Variants in XDH observed in about 807,000 individuals in gnomAD.
The protein encoded by XDH is xanthine dehydrogenase/oxidase.
A neutral mutation model predicts 156.1 loss-of-function variants in XDH; 138 were observed. The observed-to-expected ratio is 0.88, with a 90% CI of 0.77 to 1.02. The LOEUF (loss-of-function observed/expected upper bound fraction) is 1.02. Among genes scored for constraint, XDH ranks in the 50% least tolerant of loss-of-function variants. XDH has a pLI of 0.00. For synonymous variants in XDH, 669 were observed against 625.7 expected (o/e 1.07, Z -1.03); for missense variants, 1,849 against 1,684.9 (o/e 1.10, Z -1.71).
At chr2:31,358,112 C>G (rs1306207168) in intron 24 of XDH, among the ~76,000 whole-genome samples, 1 of 152,068 alleles carries the variant, frequency 6.6e-6, no homozygotes. Flanking sequence ...CTACAGAACT[C>G]TTCACCCCAA....
intron 34 of XDH, among the ~76,000 whole-genome samples, chr2:31,339,246 T>C (rs1159787126): frequency 6.6e-6 from 1 of 152,082 alleles, no homozygotes; most frequent in African/African-American, 2.4e-5. Flanking sequence ...CCCTCTAAAT[T>C]CACCCAAAGA....
chr2:31,383,204 G>T, intron 10 of XDH, 52 bp from the exon 11 acceptor site: 1 of 1,613,324 alleles, frequency 6.2e-7, no homozygotes, highest in South Asian at 1.1e-5. Context: ...TTCAGAAGAG[G>T]CTTTCATGCA....
At chr2:31,395,353 C>G (rs1315144241) in intron 6 of XDH, among the ~76,000 whole-genome samples, 2 of 152,086 alleles carry the variant, frequency 1.3e-5, no homozygotes, top group African/African-American at 4.8e-5. Flanking sequence ...ACTAAAGGTC[C>G]TGGGGTTGCG....
intron 32 of XDH, 68 bp from the exon 33 acceptor site, chr2:31,341,462 CAT>C (rs1341957134): frequency 6.7e-7 from 1 of 1,482,858 alleles, no homozygotes; most frequent in Non-Finnish European, 9.2e-7. Flanking sequence ...ACAGATGACT[CAT>C]AGTGACCCTC....
chr2:31,389,050 G>A (rs941545230), intron 6 of XDH, among the ~76,000 whole-genome samples: 10 of 152,192 alleles, frequency 6.6e-5, no homozygotes, highest in Admixed American at 5.9e-4. Flanking sequence ...CTGCAGCTCA[G>A]GGCTTCAGAA....
At chr2:31,374,581 T>G (rs1686175227) in intron 15 of XDH, among the ~76,000 whole-genome samples, 1 of 152,204 alleles carries the variant, frequency 6.6e-6, no homozygotes, top group Non-Finnish European at 1.5e-5. Context: ...GCAGTGGTTT[T>G]CTCTGGGATT....
chr2:31,390,447 A>G (rs1440897294), intron 6 of XDH, among the ~76,000 whole-genome samples: 1 of 152,216 alleles, frequency 6.6e-6, no homozygotes, highest in African/African-American at 2.4e-5. Flanking sequence ...AGTTTTGGCA[A>G]TTATGAGTAA....
At chr2:31,371,671 C>CT (rs58914810) in intron 17 of XDH, among the ~76,000 whole-genome samples, 26,408 of 149,760 alleles carry the variant, frequency 0.18, 5,203 homozygotes, top group African/African-American at 0.5. Context: ...AACTTAAACA[C>CT]TTTTTTTTTT....
rs142854856 is a variant in XDH at position 31,335,642 on chromosome 2, G to C, written c.*316C>G. 1.3e-5 allele frequency: 6 copies of C among 460,630 alleles called. No individual in the cohort carries two copies. Among genetic ancestry groups the C allele is most frequent in the Admixed American group, 6.8e-5 (2 of 29,342 alleles). 28.5% of individuals were successfully genotyped at this position (460,630 alleles called of 1,614,324 possible). On this transcript the variant is annotated 3_prime_UTR_variant, in exon 36 of 36. Transcript: ENST00000379416. Reference sequence around the variant, plus strand: ...ACCATCAGAACTTGAGGTTATACAGGCTGTCCAGTAAGTGGGGAATAGCAC... The same window carrying C: ...ACCATCAGAACTTGAGGTTATACAGCCTGTCCAGTAAGTGGGGAATAGCAC...
intron 24 of XDH, among the ~76,000 whole-genome samples, chr2:31,354,087 A>G (rs1032112869): frequency 6.6e-6 from 1 of 152,188 alleles, no homozygotes; most frequent in Non-Finnish European, 1.5e-5. Context: ...GAGGCCACCC[A>G]CACCATGATG....
At position 31,343,889 on chromosome 2, in the gene XDH, CAT is replaced by C. The variant is rs757546341; in HGVS notation, c.3404+793_3404+794del. On this transcript the variant is annotated intron_variant, in intron 31 of 35. Transcript: ENST00000379416. ...TGTTTCATACAAAGAAATGTTTATA[CAT>C]ATATATATTTATGCATCTATATATT... Among the ~76,000 whole-genome samples, 2 of 150,480 alleles carry C rather than the reference CAT, an allele frequency of 1.3e-5. 1 individual carries two copies. The highest frequency in any genetic ancestry group is 1.3e-4 in the Admixed American group (2 of 15,092).
intron 25 of XDH, 91 bp from the exon 26 acceptor site, chr2:31,349,922 G>T: frequency 6.2e-7 from 1 of 1,611,632 alleles, no homozygotes; most frequent in Non-Finnish European, 8.5e-7. Context: ...AACCCCCTCA[G>T]CAGCCCCTGC....
intron 32 of XDH, 54 bp downstream of exon 32, chr2:31,342,129 C>T (rs1685139371): frequency 6.7e-7 from 1 of 1,486,596 alleles, no homozygotes. Context: ...TATTACAACT[C>T]AGTTGTTTCT....
intron 11 of XDH, among the ~76,000 whole-genome samples, chr2:31,382,570 T>C (rs1558699286): frequency 6.6e-6 from 1 of 152,176 alleles, no homozygotes; most frequent in Non-Finnish European, 1.5e-5. Context: ...GGGAGGGCTC[T>C]GTCTCTGGTT....
intron 23 of XDH, 60 bp from the exon 24 acceptor site, chr2:31,364,304 C>A (rs1685852421): frequency 1.3e-6 from 2 of 1,531,726 alleles, no homozygotes; most frequent in East Asian, 4.5e-5. Context: ...ACCTCTCTGT[C>A]TCCCTCTGAT....
At position 31,400,357 on chromosome 2, in the gene XDH, G is replaced by T. The variant is rs1393691830; in HGVS notation, c.306+863C>A. ...AGGTTCACGCCATTCTCCTGCCTCAGCCTCCTGAGTATCTGGGACTACAGG... is the reference window on the plus strand; with the variant it reads ...AGGTTCACGCCATTCTCCTGCCTCATCCTCCTGAGTATCTGGGACTACAGG... On this transcript the variant is annotated intron_variant, in intron 4 of 35. Transcript: ENST00000379416. Among the ~76,000 whole-genome samples, 5 of 150,334 alleles carry T rather than the reference G, an allele frequency of 3.3e-5. No homozygotes were observed. In the East Asian group the frequency reaches 9.9e-4, roughly 30 times the overall value.
At chr2:31,383,727 C>G in intron 10 of XDH, 28 bp downstream of exon 10, 1 of 1,607,630 alleles carries the variant, frequency 6.2e-7, no homozygotes, top group Middle Eastern at 1.7e-4. Flanking sequence ...ACAGCCCCTC[C>G]ATAAGCTTGG....
chr2:31,411,284 A>G (rs1254173581), intron 1 of XDH, among the ~76,000 whole-genome samples: 4 of 130,198 alleles, frequency 3.1e-5, no homozygotes, highest in Admixed American at 7.5e-5. Flanking sequence ...CTGTCTCAGG[A>G]AAAAAAAAAA....
At chr2:31,364,847 A>G (rs1685866499) in intron 23 of XDH, among the ~76,000 whole-genome samples, 1 of 152,206 alleles carries the variant, frequency 6.6e-6, no homozygotes, top group African/African-American at 2.4e-5. Flanking sequence ...AGAATAGGTC[A>G]AAGGCCATGT....
Sources: allele counts gnomAD v4.1 joint callset (sites outside exome capture counted in the v4.1 genomes callset), GRCh38; gene constraint gnomAD v4.1.1; transcripts MANE v1.5; gene names NCBI Gene and HGNC (gene_info 2026-07-23, HGNC 2026-07-21).